The following SRRM2 variants were observed in gnomAD, a reference collection of about 807,000 sequenced individuals.
SRRM2 encodes the protein serine/arginine repetitive matrix protein 2.
A neutral mutation model predicts 213.8 loss-of-function variants in SRRM2; 30 were observed. That is an observed-to-expected ratio of 0.14 (90% confidence interval 0.10 to 0.19). SRRM2 has a LOEUF of 0.19. Among genes scored for constraint, SRRM2 ranks in the 10% least tolerant of loss-of-function variants. SRRM2 has a pLI of 1.00. For missense variants in SRRM2, 4,904 were observed against 3,647.0 expected (o/e 1.34, Z -8.88); for synonymous variants, 2,025 against 1,377.7 (o/e 1.47, Z -10.40).
Position 2,766,181 on chromosome 16 carries a change from C to T in SRRM2, c.5653C>T (p.Arg1885Ter), listed in dbSNP as rs1180028514. 1 of 1,614,038 alleles carries T rather than the reference C, an allele frequency of 6.2e-7. No individual in the cohort carries two copies. Among genetic ancestry groups the T allele is most frequent in the Admixed American group, 1.7e-5 (1 of 59,996 alleles). ...CAGGTCCAGAACCCCCCTGATAAGCCGACGTAGGTCCAGATCTCGAACTTC... is the reference window on the plus strand; with the variant it reads ...CAGGTCCAGAACCCCCCTGATAAGCTGACGTAGGTCCAGATCTCGAACTTC... ...RSRSRTPLIS[R>*]RRSRSRTSPV... The change falls in exon 11 of 15, where the codon CGA (arginine) becomes TGA (stop). Residue 1885 changes from arginine (R) to a stop codon, truncating the protein, a stop_gained. Coordinates refer to ENST00000301740, the MANE Select transcript of SRRM2 (RefSeq NM_016333.4). LOFTEE classifies it high-confidence loss of function. This position sits in a 1 kb window ranked among gnomAD's most constrained non-coding sequence, Gnocchi z 7.0.
Position 2,763,401 on chromosome 16 carries a change from A to G in SRRM2, c.2873A>G (p.Asn958Ser), listed in dbSNP as rs1453101037. 8.1e-6 allele frequency: 13 copies of G among 1,614,120 alleles called. No homozygotes were observed. The highest frequency in any genetic ancestry group is 4.4e-5 in the South Asian group (4 of 91,088). Reference protein sequence around the residue: ...RRSRSVSPCSNVESRLLPRYS... With the variant: ...RRSRSVSPCSSVESRLLPRYS... ...AGCAGATCAGTATCTCCCTGCTCCAATGTGGAATCCAGATTGTTGCCAAGA... is the reference window on the plus strand; with the variant it reads ...AGCAGATCAGTATCTCCCTGCTCCAGTGTGGAATCCAGATTGTTGCCAAGA... The change falls in exon 11 of 15, where the codon AAT becomes AGT. Residue 958 changes from asparagine (N) to serine (S), a missense_variant. By Grantham distance (46) the Asn-to-Ser change is conservative. Transcript: ENST00000301740.
At position 2,762,516 on chromosome 16, in the gene SRRM2, C is replaced by A; in HGVS notation, c.1988C>A (p.Pro663Gln). The change falls in exon 11 of 15, where the codon CCA becomes CAA. Residue 663 changes from proline (P) to glutamine (Q), a missense_variant. Physicochemically the swap from Pro to Gln is moderately conservative, Grantham distance 76. Transcript: ENST00000301740. Reference protein sequence around the residue: ...ARRGRSRSRTPARRGRSRSRT... With the variant: ...ARRGRSRSRTQARRGRSRSRT... The stretch of plus-strand genomic sequence containing the variant: ...CGTGGCCGCTCACGCTCCAGAACCC[C>A]AGCCAGACGTGGCCGCTCACGCTCT... 6.2e-7 allele frequency: 1 copy of A among 1,613,716 alleles called. No individual in the cohort carries two copies. Among genetic ancestry groups the A allele is most frequent in the Non-Finnish European group, 8.5e-7 (1 of 1,179,752 alleles).
At chr16:2,758,446 C>T (rs1039700605) in intron 4 of SRRM2, 24 bp from the exon 5 acceptor site, 1 of 1,595,580 alleles carries the variant, frequency 6.3e-7, no homozygotes, top group Non-Finnish European at 8.6e-7. Flanking sequence ...CCACCCATCT[C>T]TGCTGCTTTT....
At chr16:2,768,570 G>A (rs1007672493) in intron 11 of SRRM2, 1 of 639,092 alleles carries the variant, frequency 1.6e-6, no homozygotes, top group Non-Finnish European at 2.9e-6. Context: ...ACCTCAAGAG[G>A]AACTCCCTGG....
In SRRM2 at chr16:2,765,904, ATCT is replaced by A; in HGVS notation, c.5380_5382del (p.Ser1794del). Reference sequence around the variant, plus strand: ...CAACCCGACGTCGAGATAGGTCTGGATCTTCTCAGTCAACCTCTCGGCGAAGAC... The same window carrying A: ...CAACCCGACGTCGAGATAGGTCTGGATCTCAGTCAACCTCTCGGCGAAGAC... On this transcript the variant is annotated inframe_deletion, in exon 11 of 15. Coordinates refer to ENST00000301740, the MANE Select transcript of SRRM2 (RefSeq NM_016333.4). The A allele has an allele frequency of 6.2e-7, 1 of 1,614,140 alleles. No homozygotes were observed. The highest frequency in any genetic ancestry group is 8.5e-7 in the Non-Finnish European group (1 of 1,180,024).
Position 2,770,941 on chromosome 16 carries a change from CGTGGGAGG to C in SRRM2, c.*77_*84del. Reference sequence around the variant, plus strand: ...AGTGTCCCTTCTTCCCCAGCAGAGCCGTGGGAGGGTCCTTGTCTGCTCTCCTTTGAACC... The same window carrying C: ...AGTGTCCCTTCTTCCCCAGCAGAGCCGTCCTTGTCTGCTCTCCTTTGAACC... On this transcript the variant is annotated 3_prime_UTR_variant, in exon 15 of 15. Transcript: ENST00000301740. The C allele has an allele frequency of 6.3e-7, 1 of 1,593,954 alleles. No individual in the cohort carries two copies. Among genetic ancestry groups the C allele is most frequent in the African/African-American group, 1.3e-5 (1 of 74,666 alleles).
chr16:2,763,006 A>G lies in SRRM2; in HGVS notation c.2478A>G (p.Lys826=), dbSNP rs749958238. The G allele has an allele frequency of 1.2e-6, 2 of 1,613,964 alleles. No individual in the cohort carries two copies. Among genetic ancestry groups the G allele is most frequent in the Non-Finnish European group, 1.7e-6 (2 of 1,180,016 alleles). Reference sequence around the variant, plus strand: ...GTTCTTCTCCGCCACCTAAACAGAAATCTAAGACACCATCAAGACAAAGTC... The same window carrying G: ...GTTCTTCTCCGCCACCTAAACAGAAGTCTAAGACACCATCAAGACAAAGTC... The part of the protein sequence containing the change: ...RSSSSPPPKQ[K]SKTPSRQSHS... Residue 826 remains lysine (K), a synonymous_variant, in exon 11 of 15, where the codon AAA becomes AAG. Transcript: ENST00000301740.
chr16:2,753,524 G>A (rs563578597), intron 1 of SRRM2: 1 of 152,336 alleles, frequency 6.6e-6, no homozygotes, highest in South Asian at 2.1e-4. Context: ...CATTTGTAAG[G>A]TAGACCGTGC....
chr16:2,770,539 G>A (rs1567251034), intron 13 of SRRM2, 65 bp from the exon 14 acceptor site: 11 of 1,554,830 alleles, frequency 7.1e-6, no homozygotes, highest in East Asian at 2.4e-5. Flanking sequence ...AAAGCTTTGC[G>A]GTTGTGGCTA....
At chr16:2,768,866 T>C in intron 11 of SRRM2, 131 bp from the exon 12 acceptor site, 6 of 1,535,124 alleles carry the variant, frequency 3.9e-6, no homozygotes, top group Non-Finnish European at 5.3e-6. Flanking sequence ...AATTGCTGGC[T>C]CACGTGGCTC....
Position 2,764,512 on chromosome 16 carries a change from ATCACCTTTAGAATTTAGAAAC to A in SRRM2, c.3988_4008del (p.Pro1330_Ser1336del). The A allele has an allele frequency of 6.2e-7, 1 of 1,614,238 alleles. No homozygotes were observed. The highest frequency in any genetic ancestry group is 8.5e-7 in the Non-Finnish European group (1 of 1,180,046). ...CCCCACTCAGGGAGAACAGCTTTGG[ATCACCTTTAGAATTTAGAAAC>A]TCAGGCCCACTTGGTACAGAAATGA... On this transcript the variant is annotated inframe_deletion, in exon 11 of 15. Coordinates refer to ENST00000301740, the MANE Select transcript of SRRM2 (RefSeq NM_016333.4).
At position 2,768,792 on chromosome 16, in the gene SRRM2, C is replaced by T. The variant is rs981247628; in HGVS notation, c.7734-205C>T. The T allele has an allele frequency of 1.7e-5, 16 of 947,832 alleles. 1 individual carries two copies. The highest frequency in any genetic ancestry group is 9.8e-5 in the South Asian group (7 of 71,544). The allele number at this position is 947,832 out of a possible 1,614,324, so 58.7% of individuals were successfully genotyped here. On this transcript the variant is annotated intron_variant, in intron 11 of 14. Coordinates refer to ENST00000301740, the MANE Select transcript of SRRM2 (RefSeq NM_016333.4). ...GGTTTAACCTTGATCCCTTATGCTGCGGGCCCCAGCCTGTTGCTTCTGTTA... is the reference window on the plus strand; with the variant it reads ...GGTTTAACCTTGATCCCTTATGCTGTGGGCCCCAGCCTGTTGCTTCTGTTA...
In SRRM2 at chr16:2,769,254, G is replaced by T. The variant is rs1211191358; in HGVS notation, c.7991G>T (p.Ser2664Ile). The T allele has an allele frequency of 1.3e-6, 2 of 1,567,828 alleles. No individual in the cohort carries two copies. The highest frequency in any genetic ancestry group is 1.4e-5 in the African/African-American group (1 of 73,708). Residue 2664 changes from serine (S) to isoleucine (I), a missense_variant, in exon 12 of 15, where the codon AGC becomes ATC. Ser to Ile is a moderately radical substitution (Grantham distance 142). Transcript: ENST00000301740. The stretch of plus-strand genomic sequence containing the variant: ...CCTCAGGCCTTGCCCAAACCTGCAA[G>T]CCCCAAGAAGCCACCCCCTGGCGAG... ...PGPQALPKPA[S>I]PKKPPPGERR...
rs1268842194 is a variant in SRRM2 at position 2,752,715 on chromosome 16, AGGCGTC to A, written c.-153_-148del. ...CGTTGCGGCCCCTGAGGAAGCGAGG[AGGCGTC>A]GGCGTCGGCTGAGGCGGGCGGACCG... On this transcript the variant is annotated 5_prime_UTR_variant, in exon 1 of 15. Coordinates refer to ENST00000301740, the MANE Select transcript of SRRM2 (RefSeq NM_016333.4). 2.2e-5 allele frequency: 8 copies of A among 356,770 alleles called. No homozygotes were observed. Among genetic ancestry groups the A allele is most frequent in the African/African-American group, 2.3e-5 (1 of 44,158 alleles). The allele number at this position is 356,770 out of a possible 1,614,324, so 22.1% of individuals were successfully genotyped here.
Position 2,767,590 on chromosome 16 carries a change from C to G in SRRM2, c.7062C>G (p.Gly2354=), listed in dbSNP as rs991293088. 1 of 1,614,158 alleles carries G rather than the reference C, an allele frequency of 6.2e-7. No homozygotes were observed. The highest frequency in any genetic ancestry group is 2.2e-5 in the East Asian group (1 of 44,882). Residue 2354 remains glycine (G), a synonymous_variant, in exon 11 of 15, where the codon GGC becomes GGG. Transcript: ENST00000301740. ...AHATAPVNIA[G]SRTAAALAPA... ...CCACAGCTCCTGTGAATATTGCCGGCTCCAGAACCGCCGCAGCCTTGGCCC... is the reference window on the plus strand; with the variant it reads ...CCACAGCTCCTGTGAATATTGCCGGGTCCAGAACCGCCGCAGCCTTGGCCC...
intron 1 of SRRM2, among the ~76,000 whole-genome samples, 165 bp downstream of exon 1, chr16:2,753,011 G>A (rs1479136655): frequency 1.3e-5 from 2 of 149,102 alleles, no homozygotes; most frequent in East Asian, 4.0e-4. Flanking sequence ...CCCCCTTCCC[G>A]CCGTTCCTGT....
rs775685136 is a variant in SRRM2, at chr16:2,764,769, C to A, written c.4241C>A (p.Pro1414His). 3.1e-6 allele frequency: 5 copies of A among 1,614,008 alleles called. No homozygotes were observed. The highest frequency in any genetic ancestry group is 3.3e-5 in the Admixed American group (2 of 60,004). Reference protein sequence around the residue: ...SPVLDAVPRTPSRERSSSASS... With the variant: ...SPVLDAVPRTHSRERSSSASS... ...GTGCTTGATGCTGTACCCAGAACACCCTCGAGAGAAAGAAGTAGTTCTGCA... is the reference window on the plus strand; with the variant it reads ...GTGCTTGATGCTGTACCCAGAACACACTCGAGAGAAAGAAGTAGTTCTGCA... The change falls in exon 11 of 15, where the codon CCC (proline) becomes CAC (histidine). Residue 1414 changes from proline (P) to histidine (H), a missense_variant. Pro to His is a moderately conservative substitution (Grantham distance 77). Transcript: ENST00000301740.
intron 13 of SRRM2, 55 bp downstream of exon 13, chr16:2,770,520 A>C: frequency 6.4e-7 from 1 of 1,565,450 alleles, no homozygotes; most frequent in Non-Finnish European, 8.7e-7. Flanking sequence ...ACTGCTTTCT[A>C]CAAAGAAGAA....
chr16:2,763,745 A>T lies in SRRM2; in HGVS notation c.3217A>T (p.Ser1073Cys). Residue 1073 changes from serine to cysteine, a missense_variant, in exon 11 of 15, where the codon AGT becomes TGT. Physicochemically the swap from Ser to Cys is moderately radical, Grantham distance 112. Coordinates refer to ENST00000301740, the MANE Select transcript of SRRM2 (RefSeq NM_016333.4). ...ACCAGACCACAGATCTGATACTTCA[A>T]GTCCAGAAGTGAGACAGAGTCATTC... ...TSPDHRSDTS[S>C]PEVRQSHSES... 1.9e-6 allele frequency: 3 copies of T among 1,614,186 alleles called. No homozygotes were observed. Among genetic ancestry groups the T allele is most frequent in the South Asian group, 2.2e-5 (2 of 91,084 alleles).
Sources: allele counts gnomAD v4.1 joint callset (sites outside exome capture counted in the v4.1 genomes callset), GRCh38; gene constraint gnomAD v4.1.1; non-coding constraint Gnocchi (gnomAD v3.1); transcripts MANE v1.5; gene names NCBI Gene and HGNC (gene_info 2026-07-23, HGNC 2026-07-21).